Variants in SUCLG2 observed in about 807,000 individuals in gnomAD.
SUCLG2 encodes succinate-CoA ligase GDP-forming subunit beta.
A neutral mutation model predicts 47.9 loss-of-function variants in SUCLG2; 42 were observed. The ratio of observed to expected loss-of-function variants is 0.88; its 90% CI spans 0.69 to 1.14. The LOEUF is 1.14. SUCLG2 is among the 50% of genes most tolerant of loss of function. The pLI, the probability that SUCLG2 is intolerant of heterozygous loss-of-function variation, is 0.00. For missense variants in SUCLG2, 571 were observed against 525.9 expected, an observed-to-expected ratio of 1.09 and a Z score of -0.84; for synonymous variants, 195 against 197.3, an observed-to-expected ratio of 0.99 and a Z score of 0.10.
rs576354825 is a variant in SUCLG2 at position 67,609,307 on chromosome 3, A to C, written c.226+148T>G. The C allele has an allele frequency of 3.8e-5, 31 of 817,980 alleles. No homozygotes were observed. In the African/African-American group the frequency reaches 4.9e-4, roughly 13 times the overall value. The allele number at this position is 817,980 out of a possible 1,614,324, so 50.7% of individuals were successfully genotyped here. ...CACACATGTACATGAGGCAATCTGG[A>C]CTTTTTTGCTTTTGCAGTTCTAAGC... On this transcript the variant is annotated intron_variant, in intron 2 of 10. Transcript: ENST00000307227.
chr3:67,616,505 G>A (rs542008202), intron 1 of SUCLG2, among the ~76,000 whole-genome samples: 73 of 152,112 alleles, frequency 4.8e-4, no homozygotes, highest in African/African-American at 1.4e-3. Context: ...CAGTAAACTT[G>A]GGAAGGGCAG....
chr3:67,419,925 T>C (rs1575683195), intron 9 of SUCLG2, among the ~76,000 whole-genome samples: 1 of 152,140 alleles, frequency 6.6e-6, no homozygotes, highest in East Asian at 1.9e-4. Context: ...TTAAGATGTT[T>C]AAGAAAAGGT....
At chr3:67,590,568 T>A (rs1708133512) in intron 2 of SUCLG2, among the ~76,000 whole-genome samples, 1 of 152,176 alleles carries the variant, frequency 6.6e-6, no homozygotes, top group South Asian at 2.1e-4. Flanking sequence ...CTCCCACTCG[T>A]GCTCCCTCTC....
intron 9 of SUCLG2, among the ~76,000 whole-genome samples, chr3:67,404,780 A>G (rs1702765276): frequency 6.6e-6 from 1 of 152,198 alleles, no homozygotes; most frequent in South Asian, 2.1e-4. Context: ...TCAAACTGGG[A>G]ATGCAATTAA....
In SUCLG2 at chr3:67,412,751, C is replaced by T. The variant is rs77129867; in HGVS notation, c.1063-11900G>A. Among the ~76,000 whole-genome samples the T allele has an allele frequency of 1.4e-3, 209 of 152,320 alleles. 4 individuals are homozygous for T. Among genetic ancestry groups the T allele is most frequent in the African/African-American group, 4.6e-3 (192 of 41,580 alleles). On this transcript the variant is annotated intron_variant, in intron 9 of 10. Transcript: ENST00000307227. The stretch of plus-strand genomic sequence containing the variant: ...GCATTGGGACAGAAGCGATCCCACG[C>T]TGCCAGCCCCAGGTTCCTTTAACCC...
chr3:67,552,112 T>C (rs1476216555), intron 2 of SUCLG2, among the ~76,000 whole-genome samples: 1 of 134,852 alleles, frequency 7.4e-6, no homozygotes, highest in Non-Finnish European at 1.5e-5. Flanking sequence ...AAACTGACTG[T>C]CAATTAAAAT....
At chr3:67,614,529 G>C (rs1197343449) in intron 1 of SUCLG2, among the ~76,000 whole-genome samples, 4 of 151,878 alleles carry the variant, frequency 2.6e-5, no homozygotes, top group African/African-American at 7.3e-5. Flanking sequence ...TCCCAAGCCT[G>C]TGTGCCTTAC....
At chr3:67,368,085 G>A (rs1701899700) in intron 10 of SUCLG2, among the ~76,000 whole-genome samples, 1 of 152,092 alleles carries the variant, frequency 6.6e-6, no homozygotes, top group Non-Finnish European at 1.5e-5. Context: ...CCCAATGTTT[G>A]ATAAAAGTGT....
intron 1 of SUCLG2, among the ~76,000 whole-genome samples, chr3:67,640,611 G>A (rs570998486): frequency 6.6e-6 from 1 of 152,204 alleles, no homozygotes; most frequent in African/African-American, 2.4e-5. Flanking sequence ...AACTCGTTGA[G>A]CATTCCATGG....
chr3:67,480,803 G>C (rs913136788), intron 9 of SUCLG2, among the ~76,000 whole-genome samples: 1 of 152,202 alleles, frequency 6.6e-6, no homozygotes, highest in Admixed American at 6.5e-5. Context: ...CTTACTCTGT[G>C]AGCAGTAGCT....
chr3:67,635,090 G>T (rs911817642), intron 1 of SUCLG2, among the ~76,000 whole-genome samples: 6 of 152,140 alleles, frequency 3.9e-5, no homozygotes, highest in Non-Finnish European at 1.5e-5. Flanking sequence ...TGATTTTTGC[G>T]ATATTCAACA....
chr3:67,460,218 G>A (rs1704298467), intron 9 of SUCLG2, among the ~76,000 whole-genome samples: 1 of 152,150 alleles, frequency 6.6e-6, no homozygotes, highest in African/African-American at 2.4e-5. Context: ...AGTAGTAGAA[G>A]TGTAGCTAAG....
intron 9 of SUCLG2, among the ~76,000 whole-genome samples, chr3:67,458,756 T>C (rs1267243353): frequency 6.6e-6 from 1 of 152,192 alleles, no homozygotes; most frequent in Non-Finnish European, 1.5e-5. Flanking sequence ...AAGAGACGGC[T>C]GAATGCATAT....
intron 1 of SUCLG2, among the ~76,000 whole-genome samples, chr3:67,612,850 G>T (rs1442303209): frequency 6.6e-6 from 1 of 152,188 alleles, no homozygotes; most frequent in African/African-American, 2.4e-5. Context: ...TATCAATTGG[G>T]AGTTCCCAAG....
At chr3:67,475,466 C>T (rs1362047563) in intron 9 of SUCLG2, among the ~76,000 whole-genome samples, 1 of 152,162 alleles carries the variant, frequency 6.6e-6, no homozygotes, top group Non-Finnish European at 1.5e-5. Flanking sequence ...CTCAAGGGGA[C>T]AGCCTCTAAG....
intron 2 of SUCLG2, among the ~76,000 whole-genome samples, chr3:67,534,945 C>T (rs1706501054): frequency 6.6e-6 from 1 of 151,896 alleles, no homozygotes; most frequent in Non-Finnish European, 1.5e-5. Context: ...CAAGTTTCTT[C>T]AAAAGAACAA....
chr3:67,370,103 C>T (rs924929944), downstream of SUCLG2, among the ~76,000 whole-genome samples: 20 of 151,984 alleles, frequency 1.3e-4, no homozygotes, highest in African/African-American at 4.1e-4. Context: ...GAAATTCACA[C>T]GCAATATTCT....
At chr3:67,531,790 C>A (rs527272189) in intron 2 of SUCLG2, among the ~76,000 whole-genome samples, 25 of 152,208 alleles carry the variant, frequency 1.6e-4, no homozygotes, top group African/African-American at 5.1e-4. Context: ...GAAAAACTCT[C>A]ATGAAGTAAT....
At chr3:67,625,966 A>ATCC in intron 1 of SUCLG2, among the ~76,000 whole-genome samples, 1 of 152,260 alleles carries the variant, frequency 6.6e-6, no homozygotes, top group Admixed American at 6.5e-5. Context: ...CCACAGTCAA[A>ATCC]AGAGCATAGG....
Sources: allele counts gnomAD v4.1 joint callset (sites outside exome capture counted in the v4.1 genomes callset), GRCh38; gene constraint gnomAD v4.1.1; transcripts MANE v1.5; gene names NCBI Gene and HGNC (gene_info 2026-07-23, HGNC 2026-07-21).